PTPRT: variants seen among roughly 807,000 people sequenced by gnomAD.
PTPRT encodes the protein receptor-type tyrosine-protein phosphatase T.
In PTPRT, 56 loss-of-function variants were observed where a neutral mutation model predicts 176.8. The ratio of observed to expected loss-of-function variants is 0.32; its 90% CI spans 0.26 to 0.40. The LOEUF is 0.40. Among genes scored for constraint, PTPRT ranks in the 10% least tolerant of loss-of-function variants. PTPRT has a pLI of 1.00. For synonymous variants in PTPRT, 783 were observed against 739.0 expected (o/e 1.06, Z -0.96); for missense variants, 1,540 against 1,908.2 (o/e 0.81, Z 3.60).
intron 1 of PTPRT, among the ~76,000 whole-genome samples, chr20:43,013,461 A>G (rs980164278): frequency 3.3e-5 from 5 of 152,200 alleles, no homozygotes; most frequent in African/African-American, 1.2e-4. Context: ...AAAACAATGA[A>G]CAAGCCAGAT....
intron 7 of PTPRT, among the ~76,000 whole-genome samples, chr20:42,587,762 G>A (rs73278747): frequency 0.014 from 2,081 of 152,140 alleles, 22 homozygotes; most frequent in Middle Eastern, 0.037. Context: ...GCCCTGCCTC[G>A]GCTCTGGATG....
intron 2 of PTPRT, among the ~76,000 whole-genome samples, chr20:42,793,795 G>A (rs2077412265): frequency 6.6e-6 from 1 of 152,146 alleles, no homozygotes; most frequent in African/African-American, 2.4e-5. Flanking sequence ...ATGCCACAGG[G>A]TTCCAAAAGG....
intron 7 of PTPRT, among the ~76,000 whole-genome samples, chr20:42,562,360 T>C (rs1429441688): frequency 6.6e-6 from 1 of 152,244 alleles, no homozygotes; most frequent in Non-Finnish European, 1.5e-5. Flanking sequence ...CTACAGTATA[T>C]ACTGTTTGCG....
At chr20:43,083,357 T>TAC (rs1298271341) in intron 1 of PTPRT, among the ~76,000 whole-genome samples, 55 of 126,118 alleles carry the variant, frequency 4.4e-4, no homozygotes, top group East Asian at 1.5e-3. Context: ...TATATATATA[T>TAC]ATATATATAT....
intron 9 of PTPRT, among the ~76,000 whole-genome samples, chr20:42,433,386 A>G (rs758364449): frequency 6.6e-6 from 1 of 152,302 alleles, no homozygotes; most frequent in South Asian, 2.1e-4. Context: ...CTATCCCCCT[A>G]TCAACCTTCT....
intron 1 of PTPRT, among the ~76,000 whole-genome samples, chr20:42,938,959 C>T (rs528873437): frequency 1.3e-4 from 20 of 152,116 alleles, no homozygotes; most frequent in African/African-American, 4.3e-4. Flanking sequence ...CACTTACTGG[C>T]GGCAGTTTAA....
At chr20:42,869,269 C>A (rs927556552) in intron 2 of PTPRT, among the ~76,000 whole-genome samples, 8 of 152,132 alleles carry the variant, frequency 5.3e-5, no homozygotes, top group African/African-American at 1.9e-4. Context: ...GTAGAGCCAC[C>A]ATCACGCAAC....
At chr20:42,392,485 T>C (rs1437587380) in intron 9 of PTPRT, among the ~76,000 whole-genome samples, 5 of 152,230 alleles carry the variant, frequency 3.3e-5, no homozygotes, top group Non-Finnish European at 5.9e-5. Context: ...TATTTATCTT[T>C]CTTTTTAAAA....
intron 1 of PTPRT, among the ~76,000 whole-genome samples, chr20:43,050,589 G>C (rs1002460280): frequency 6.6e-6 from 1 of 152,194 alleles, no homozygotes; most frequent in South Asian, 2.1e-4. Flanking sequence ...CCTAACCTTT[G>C]ACACTGGGTA....
chr20:42,846,998 C>T (rs1418904891), intron 2 of PTPRT, among the ~76,000 whole-genome samples: 1 of 152,170 alleles, frequency 6.6e-6, no homozygotes, highest in Non-Finnish European at 1.5e-5. Flanking sequence ...CCTGTGTTTT[C>T]TCATTTTAAA....
chr20:43,145,217 G>A (rs1277628299), intron 1 of PTPRT, among the ~76,000 whole-genome samples: 1 of 152,202 alleles, frequency 6.6e-6, no homozygotes, highest in Non-Finnish European at 1.5e-5. Flanking sequence ...TGACACATAG[G>A]AAGCCCTCAA....
chr20:42,410,920 GC>G (rs149288657), intron 9 of PTPRT, among the ~76,000 whole-genome samples: 2,950 of 152,220 alleles, frequency 0.019, 103 homozygotes, highest in African/African-American at 0.067. Context: ...GTGGGATACA[GC>G]TAAAGTAGTA....
intron 9 of PTPRT, among the ~76,000 whole-genome samples, chr20:42,353,686 G>A (rs546151192): frequency 6.6e-5 from 10 of 152,326 alleles, no homozygotes; most frequent in Non-Finnish European, 1.0e-4. Context: ...GTCACATCTT[G>A]AAATTACACA....
intron 6 of PTPRT, among the ~76,000 whole-genome samples, chr20:42,752,551 G>A (rs2076782561): frequency 1.3e-5 from 2 of 152,204 alleles, no homozygotes; most frequent in South Asian, 4.1e-4. Context: ...TTTTCTTTCT[G>A]TGATATCCCA....
chr20:42,805,050 A>G (rs1219725071), intron 2 of PTPRT, among the ~76,000 whole-genome samples: 4 of 152,218 alleles, frequency 2.6e-5, no homozygotes, highest in African/African-American at 9.6e-5. Flanking sequence ...TTCATCACCC[A>G]AAGAGTTATC....
chr20:43,003,471 G>A (rs984648303), intron 1 of PTPRT, among the ~76,000 whole-genome samples: 11 of 152,106 alleles, frequency 7.2e-5, no homozygotes, highest in South Asian at 2.1e-4. Context: ...CAAAGTGCTC[G>A]GATTATAGGC....
At chr20:42,095,462 T>C (rs182629223) in intron 27 of PTPRT, among the ~76,000 whole-genome samples, 2 of 152,308 alleles carry the variant, frequency 1.3e-5, no homozygotes, top group Non-Finnish European at 2.9e-5. Flanking sequence ...GTGCAGGTGT[T>C]CCCTCTGCCT....
At chr20:42,236,151 C>A in intron 15 of PTPRT, 78 bp downstream of exon 15, 21 of 1,270,424 alleles carry the variant, frequency 1.7e-5, no homozygotes, top group Non-Finnish European at 2.2e-5. Flanking sequence ...CTAACAGACA[C>A]TTGGTTGGTG....
intron 4 of PTPRT, among the ~76,000 whole-genome samples, chr20:42,775,892 T>A (rs1193520290): frequency 6.6e-6 from 1 of 152,224 alleles, no homozygotes; most frequent in South Asian, 2.1e-4. Context: ...TATTTCAATA[T>A]AGTTCAATTT....
Sources: allele counts gnomAD v4.1 joint callset (sites outside exome capture counted in the v4.1 genomes callset), GRCh38; gene constraint gnomAD v4.1.1; transcripts MANE v1.5; gene names NCBI Gene and HGNC (gene_info 2026-07-23, HGNC 2026-07-21).